The following FAM117B variants were observed in gnomAD, a reference collection of about 807,000 sequenced individuals.
FAM117B encodes family with sequence similarity 117 member B.
FAM117B carries 22 observed loss-of-function variants against 52.8 expected under a neutral mutation model. The ratio of observed to expected loss-of-function variants is 0.42; its 90% CI spans 0.30 to 0.59. The LOEUF (loss-of-function observed/expected upper bound fraction) is 0.59. Among genes scored for constraint, FAM117B ranks in the 20% least tolerant of loss-of-function variants. FAM117B has a pLI of 0.22. For synonymous variants in FAM117B, 309 were observed against 324.1 expected, an observed-to-expected ratio of 0.95 and a Z score of 0.50; for missense variants, 678 against 802.6, an observed-to-expected ratio of 0.84 and a Z score of 1.88.
intron 3 of FAM117B, among the ~76,000 whole-genome samples, chr2:202,725,681 T>C (rs756959694): frequency 6.6e-6 from 1 of 152,216 alleles, no homozygotes; most frequent in African/African-American, 2.4e-5. Context: ...ATAACCATGA[T>C]GGTTATGGCT....
In FAM117B at chr2:202,635,080, G is replaced by C. The variant is rs944408717; in HGVS notation, c.-108G>C. The C allele has an allele frequency of 2.2e-4, 271 of 1,236,280 alleles. 1 individual carries two copies. The highest frequency in any genetic ancestry group is 1.2e-3 in the Middle Eastern group (4 of 3,202). 76.6% of individuals were successfully genotyped at this position (1,236,280 alleles called of 1,614,324 possible). On this transcript the variant is annotated 5_prime_UTR_variant, in exon 1 of 8. Coordinates refer to ENST00000392238, the MANE Select transcript of FAM117B (RefSeq NM_173511.4). ...CCCCTGCACCCCGGAGTCCGGCTTCGTCACCCCGTCTTGGGGGGCCTGCCC... is the reference window on the plus strand; with the variant it reads ...CCCCTGCACCCCGGAGTCCGGCTTCCTCACCCCGTCTTGGGGGGCCTGCCC...
At chr2:202,644,209 A>G (rs1216439858) in intron 1 of FAM117B, among the ~76,000 whole-genome samples, 1 of 151,574 alleles carries the variant, frequency 6.6e-6, no homozygotes. Flanking sequence ...TATTAATGTT[A>G]TTATGACCAT....
At chr2:202,764,410 G>A (rs1236002709) in intron 7 of FAM117B, among the ~76,000 whole-genome samples, 2 of 151,748 alleles carry the variant, frequency 1.3e-5, no homozygotes, top group Admixed American at 1.3e-4. Context: ...GACTACAGGT[G>A]CATGCCGTCA....
intron 1 of FAM117B, among the ~76,000 whole-genome samples, chr2:202,647,031 A>C (rs995999291): frequency 6.6e-6 from 1 of 152,162 alleles, no homozygotes; most frequent in Non-Finnish European, 1.5e-5. Flanking sequence ...CTTGAAATTA[A>C]TCTCTTCCCT....
chr2:202,715,446 G>T (rs1691036078), intron 2 of FAM117B, among the ~76,000 whole-genome samples: 1 of 150,706 alleles, frequency 6.6e-6, no homozygotes, highest in Admixed American at 6.6e-5. Context: ...CCCAGACGGG[G>T]TTGCGGCCGG....
chr2:202,750,504 C>T (rs973292122), intron 4 of FAM117B, among the ~76,000 whole-genome samples: 1 of 152,152 alleles, frequency 6.6e-6, no homozygotes, highest in Non-Finnish European at 1.5e-5. Flanking sequence ...CAAGGTGAGA[C>T]CCTGTCTCAA....
intron 6 of FAM117B, among the ~76,000 whole-genome samples, chr2:202,758,532 C>T (rs946177067): frequency 1.3e-5 from 2 of 152,130 alleles, no homozygotes; most frequent in African/African-American, 2.4e-5. Flanking sequence ...GTGCTGCTGC[C>T]AGCAAGGAGT....
At chr2:202,687,674 G>A (rs1265171658) in intron 1 of FAM117B, among the ~76,000 whole-genome samples, 1 of 152,150 alleles carries the variant, frequency 6.6e-6, no homozygotes, top group Non-Finnish European at 1.5e-5. Context: ...GCCTCCCATA[G>A]CATTGGGATT....
intron 2 of FAM117B, among the ~76,000 whole-genome samples, chr2:202,712,093 T>G (rs764910071): frequency 7.2e-5 from 11 of 152,156 alleles, no homozygotes; most frequent in Non-Finnish European, 1.3e-4. Context: ...TGTTATGGTA[T>G]TTTGGTAGAG....
intron 2 of FAM117B, among the ~76,000 whole-genome samples, chr2:202,721,318 A>G (rs987193506): frequency 1.3e-5 from 2 of 152,224 alleles, no homozygotes; most frequent in Non-Finnish European, 2.9e-5. Context: ...TATAAAATGT[A>G]TGAAAGAGGG....
intron 4 of FAM117B, among the ~76,000 whole-genome samples, chr2:202,746,963 CAA>C (rs993415927): frequency 2.5e-5 from 1 of 40,766 alleles, no homozygotes. Flanking sequence ...AAAAACAAAA[CAA>C]AAAAAAACAC....
intron 1 of FAM117B, among the ~76,000 whole-genome samples, chr2:202,659,236 T>A (rs944986200): frequency 1.3e-5 from 2 of 151,846 alleles, no homozygotes; most frequent in African/African-American, 4.8e-5. Flanking sequence ...GAACTCCTGA[T>A]CTCAGGTGAT....
intron 4 of FAM117B, among the ~76,000 whole-genome samples, chr2:202,741,549 T>TC (rs1191794557): frequency 1.4e-5 from 2 of 145,352 alleles, no homozygotes; most frequent in Admixed American, 1.3e-4. Context: ...AAAATTTTTT[T>TC]TTTTTGAGAC....
At chr2:202,688,792 A>G (rs566491344) in intron 1 of FAM117B, among the ~76,000 whole-genome samples, 13 of 152,310 alleles carry the variant, frequency 8.5e-5, no homozygotes, top group African/African-American at 2.6e-4. Flanking sequence ...GTAAAAGGCA[A>G]TTTGGCAGTA....
intron 7 of FAM117B, among the ~76,000 whole-genome samples, chr2:202,760,893 T>G (rs1230260028): frequency 2.0e-5 from 3 of 152,182 alleles, no homozygotes. Context: ...TTTTTGGAGT[T>G]GTGCCTGCCC....
chr2:202,720,033 C>G (rs1442563499), intron 2 of FAM117B, among the ~76,000 whole-genome samples: 1 of 152,114 alleles, frequency 6.6e-6, no homozygotes. Flanking sequence ...TCCATCAGAA[C>G]CCTTTGTAAC....
In FAM117B at chr2:202,754,516, A is replaced by AC. The variant is rs573045394; in HGVS notation, c.961-1014dup. On this transcript the variant is annotated intron_variant, in intron 4 of 7. Transcript: ENST00000392238. Reference sequence around the variant, plus strand: ...TAAGAAGAAACAAAAACAATAATAAACCCCCCCCAGAATATAAATAATTAT... The same window carrying AC: ...TAAGAAGAAACAAAAACAATAATAAACCCCCCCCCAGAATATAAATAATTAT... Among the ~76,000 whole-genome samples, 84 of 150,774 alleles carry AC rather than the reference A, an allele frequency of 5.6e-4. 1 individual carries two copies. In the South Asian group the frequency reaches 6.1e-3, roughly 11 times the overall value.
chr2:202,644,053 G>GTTTTTTTTTTTTTTTTTTTTTTTTT lies in FAM117B; in HGVS notation c.601+8275_601+8276insTTTTTTTTTTTTTTTTTTTTTTTTT, dbSNP rs1219743876. ...ATGCTATACTACTGCTTTAGGAGCT[G>GTTTTTTTTTTTTTTTTTTTTTTTTT]TTTTTTTTTTGTTTTTTTTTTTTTT... On this transcript the variant is annotated intron_variant, in intron 1 of 7. Coordinates refer to ENST00000392238, the MANE Select transcript of FAM117B (RefSeq NM_173511.4). Among the ~76,000 whole-genome samples the GTTTTTTTTTTTTTTTTTTTTTTTTT allele has an allele frequency of 6.3e-4, 38 of 60,160 alleles. 4 individuals carry two copies. Among genetic ancestry groups the GTTTTTTTTTTTTTTTTTTTTTTTTT allele is most frequent in the South Asian group, 1.9e-3 (3 of 1,554 alleles). 39.5% of individuals were successfully genotyped at this position (60,160 alleles called of 152,430 possible). A position where few individuals can be genotyped will look rare whatever the true frequency, so the allele number is the denominator to read the frequency against.
chr2:202,731,594 C>T (rs1034476713), intron 4 of FAM117B, among the ~76,000 whole-genome samples: 2 of 150,824 alleles, frequency 1.3e-5, no homozygotes. Flanking sequence ...CCATGCCCGG[C>T]TAATTTTTTG....
Sources: allele counts gnomAD v4.1 joint callset (sites outside exome capture counted in the v4.1 genomes callset), GRCh38; gene constraint gnomAD v4.1.1; transcripts MANE v1.5; gene names NCBI Gene and HGNC (gene_info 2026-07-23, HGNC 2026-07-21).